The following PHACTR2 variants were observed in gnomAD, a reference collection of about 807,000 sequenced individuals.
PHACTR2 encodes the protein chromosome 6 open reading frame 56.
Under a neutral mutation model 76.0 loss-of-function variants are expected in PHACTR2, and 30 were observed. That is an observed-to-expected ratio of 0.39 (90% CI 0.30 to 0.54). The LOEUF is 0.54. Ranked by LOEUF, PHACTR2 falls within the 20% of genes least tolerant of loss-of-function variation. The probability of loss-of-function intolerance (pLI) is 0.61; values close to 1 mark genes in which losing one functional copy is unlikely to be tolerated. For synonymous variants in PHACTR2, 292 were observed against 292.5 expected (o/e 1.00, Z 0.02); for missense variants, 696 against 781.1 (o/e 0.89, Z 1.30).
chr6:143,801,477 G>A lies in PHACTR2; in HGVS notation c.1846-5580G>A, dbSNP rs115996045. On this transcript the variant is annotated intron_variant, in intron 11 of 12. Coordinates refer to ENST00000440869, the MANE Select transcript of PHACTR2 (RefSeq NM_001100164.2). The surrounding 1 kb of genome is among the most constrained non-coding windows in gnomAD (Gnocchi z 4.6). ...TTCAATCACTGATATACTTTCTTCCGCTTGATCGAAGTGGCTATTGAGGCT... is the reference window on the plus strand; with the variant it reads ...TTCAATCACTGATATACTTTCTTCCACTTGATCGAAGTGGCTATTGAGGCT... Among the ~76,000 whole-genome samples, 3,178 of 151,922 alleles carry A rather than the reference G, an allele frequency of 0.021. 111 individuals are homozygous for A. Among genetic ancestry groups the A allele is most frequent in the African/African-American group, 0.073 (3,039 of 41,416 alleles).
chr6:143,626,285 C>T lies in PHACTR2; in HGVS notation c.13+17963C>T, dbSNP rs539869141. On this transcript the variant is annotated intron_variant, in intron 1 of 11. Transcript: ENST00000305766. ...GGGCACGGTTGCTCACGCCCGTAAT[C>T]CCAGCACTTTGGGAGGCCGAGATGG... Among the ~76,000 whole-genome samples the T allele has an allele frequency of 4.6e-5, 7 of 152,168 alleles. No individual in the cohort carries two copies. In the South Asian group the frequency reaches 1.5e-3, roughly 32 times the overall value.
intron 1 of PHACTR2, among the ~76,000 whole-genome samples, chr6:143,584,294 C>T (rs115126177): frequency 0.012 from 1,847 of 152,298 alleles, 40 homozygotes; most frequent in African/African-American, 0.039. Flanking sequence ...GATCAATGGA[C>T]TAGAGACTTC....
intron 1 of PHACTR2, among the ~76,000 whole-genome samples, chr6:143,644,797 A>C (rs13220613): frequency 6.7e-6 from 1 of 148,738 alleles, no homozygotes; most frequent in African/African-American, 2.5e-5. Flanking sequence ...TTTATTTTTC[A>C]TTTGCTTGTT....
chr6:143,688,380 C>T lies in PHACTR2; in HGVS notation c.46+10171C>T, dbSNP rs773186965. Among the ~76,000 whole-genome samples, 1 of 152,134 alleles carries T rather than the reference C, an allele frequency of 6.6e-6. No individual in the cohort carries two copies. The highest frequency in any genetic ancestry group is 1.5e-5 in the Non-Finnish European group (1 of 68,030). ...GAAATGGGAGTAGGGTCTCACCCAA[C>T]TCTCAACTCCCAGAGTTACCCAGTT... On this transcript the variant is annotated intron_variant, in intron 1 of 12. Transcript: ENST00000440869. The surrounding 1 kb of genome is among the most constrained non-coding windows in gnomAD (Gnocchi z 5.2).
intron 4 of PHACTR2, among the ~76,000 whole-genome samples, chr6:143,759,942 T>G (rs536400037): frequency 6.6e-6 from 1 of 152,248 alleles, no homozygotes; most frequent in East Asian, 1.9e-4. Context: ...TAACCATGAG[T>G]CCAGCAGTTG....
rs1479249754 is a variant in PHACTR2 at position 143,757,047 on chromosome 6, A to G, written c.454+3135A>G. Among the ~76,000 whole-genome samples, 1 of 152,156 alleles carries G rather than the reference A, an allele frequency of 6.6e-6. No homozygotes were observed. The highest frequency in any genetic ancestry group is 6.5e-5 in the Admixed American group (1 of 15,280). On this transcript the variant is annotated intron_variant, in intron 4 of 12. Transcript: ENST00000440869. The surrounding 1 kb of genome is among the most constrained non-coding windows in gnomAD (Gnocchi z 4.2). ...CTGGGTGACAGCCAGTCTCAAAAAAAGAAAATAATAATAATTTTAAATAAT... is the reference window on the plus strand; with the variant it reads ...CTGGGTGACAGCCAGTCTCAAAAAAGGAAAATAATAATAATTTTAAATAAT...
At position 143,557,639 on chromosome 6, in the gene PHACTR2, C is replaced by T. The variant is rs1775197293; in HGVS notation, c.217+20432C>T. ...CTTCCAGACTCTTCCACACTCCAGTCGTTTTTCCTTGGCTGACTTCTTTCT... is the reference window on the plus strand; with the variant it reads ...CTTCCAGACTCTTCCACACTCCAGTTGTTTTTCCTTGGCTGACTTCTTTCT... On this transcript the variant is annotated intron_variant, in intron 1 of 11. Coordinates refer to the PHACTR2 transcript ENST00000367584. This position sits in a 1 kb window ranked among gnomAD's most constrained non-coding sequence, Gnocchi z 5.5. The T allele has an allele frequency of 6.6e-6, 1 of 152,262 alleles. No homozygotes were observed. Among genetic ancestry groups the T allele is most frequent in the Non-Finnish European group, 1.5e-5 (1 of 68,112 alleles). The allele number at this position is 152,262 out of a possible 1,614,324, so 9.4% of individuals were successfully genotyped here.
chr6:143,811,743 C>T lies in PHACTR2; in HGVS notation c.1922+4610C>T, dbSNP rs1341944639. Among the ~76,000 whole-genome samples, 1 of 151,910 alleles carries T rather than the reference C, an allele frequency of 6.6e-6. No homozygotes were observed. Among genetic ancestry groups the T allele is most frequent in the Non-Finnish European group, 1.5e-5 (1 of 67,984 alleles). The stretch of plus-strand genomic sequence containing the variant: ...GTAGGGATATAGTTTGTCTCCAAGA[C>T]ATAAAAATAATGCTTATGATTTTCA... On this transcript the variant is annotated intron_variant, in intron 12 of 12. Coordinates refer to ENST00000440869, the MANE Select transcript of PHACTR2 (RefSeq NM_001100164.2). The surrounding 1 kb of genome is among the most constrained non-coding windows in gnomAD (Gnocchi z 4.1).
chr6:143,615,159 C>G (rs1776040744), intron 1 of PHACTR2, among the ~76,000 whole-genome samples: 2 of 152,276 alleles, frequency 1.3e-5, no homozygotes, highest in African/African-American at 4.8e-5. Context: ...CCCCAAGTTA[C>G]ATATAAGTAG....
At chr6:143,773,917 C>T (rs1186842228) in intron 7 of PHACTR2, 142 bp from the exon 8 acceptor site, 5 of 544,586 alleles carry the variant, frequency 9.2e-6, no homozygotes, top group Middle Eastern at 3.6e-4. Context: ...GTCTTTTTTT[C>T]CTTAGGTTAA....
intron 1 of PHACTR2, among the ~76,000 whole-genome samples, chr6:143,559,451 A>G (rs1775229415): frequency 6.6e-6 from 1 of 152,176 alleles, no homozygotes; most frequent in African/African-American, 2.4e-5. Flanking sequence ...GATGCTACAT[A>G]TATCAATGGT....
chr6:143,592,147 A>G lies in PHACTR2; in HGVS notation c.217+54940A>G, dbSNP rs1775698864. Among the ~76,000 whole-genome samples, 1 of 152,280 alleles carries G rather than the reference A, an allele frequency of 6.6e-6. No individual in the cohort carries two copies. The highest frequency in any genetic ancestry group is 2.4e-5 in the African/African-American group (1 of 41,558). ...ATGTTCCAGATCATTATGAAGGTGT[A>G]TTGGTTAAGGCTGGAGGATAGAACA... On this transcript the variant is annotated intron_variant, in intron 1 of 11. Coordinates refer to the PHACTR2 transcript ENST00000367584. The surrounding 1 kb of genome is among the most constrained non-coding windows in gnomAD (Gnocchi z 4.0).
rs1781153610 is a variant in PHACTR2, at chr6:143,539,560, C to T, written c.217+2353C>T. 1.3e-5 allele frequency among the ~76,000 whole-genome samples: 2 copies of T among 152,132 alleles called. No individual in the cohort carries two copies. The highest frequency in any genetic ancestry group is 2.1e-4 in the South Asian group (1 of 4,816). Reference sequence around the variant, plus strand: ...GGATCTCTGAATTATCTCAGAGGCACAATAAGAGGGTTACACGCCTTGTAA... The same window carrying T: ...GGATCTCTGAATTATCTCAGAGGCATAATAAGAGGGTTACACGCCTTGTAA... On this transcript the variant is annotated intron_variant, in intron 1 of 11. Coordinates refer to the PHACTR2 transcript ENST00000367584. This position sits in a 1 kb window ranked among gnomAD's most constrained non-coding sequence, Gnocchi z 4.3.
intron 11 of PHACTR2, among the ~76,000 whole-genome samples, chr6:143,805,973 T>C (rs2128483508): frequency 6.6e-6 from 1 of 152,358 alleles, no homozygotes; most frequent in South Asian, 2.1e-4. Context: ...GAAGACTTTT[T>C]ATCTCCCAGT....
chr6:143,540,557 G>T (rs750940740), intron 1 of PHACTR2, among the ~76,000 whole-genome samples: 1 of 152,048 alleles, frequency 6.6e-6, no homozygotes, highest in Non-Finnish European at 1.5e-5. Flanking sequence ...GATAAATACC[G>T]TGAGGGTACC....
intron 1 of PHACTR2, among the ~76,000 whole-genome samples, chr6:143,649,243 A>G (rs1461901011): frequency 6.6e-6 from 1 of 152,186 alleles, no homozygotes; most frequent in Non-Finnish European, 1.5e-5. Flanking sequence ...GTGGATAAGG[A>G]GGGTGTGAAA....
chr6:143,576,472 A>T (rs9321924), intron 1 of PHACTR2, among the ~76,000 whole-genome samples: 49,552 of 152,120 alleles, frequency 0.33, 8,800 homozygotes, highest in Non-Finnish European at 0.4. Flanking sequence ...AGTGTTCATG[A>T]CTACGTAAAT....
rs1220515750 is a variant in PHACTR2, at chr6:143,801,892, G to A, written c.1846-5165G>A. Among the ~76,000 whole-genome samples the A allele has an allele frequency of 6.6e-6, 1 of 152,262 alleles. No homozygotes were observed. The highest frequency in any genetic ancestry group is 1.9e-4 in the East Asian group (1 of 5,182). On this transcript the variant is annotated intron_variant, in intron 11 of 12. Transcript: ENST00000440869. The surrounding 1 kb of genome is among the most constrained non-coding windows in gnomAD (Gnocchi z 4.6). Reference sequence around the variant, plus strand: ...CTACAGATGGGGTTTGGGTGTGGATGTCCTTTTTGTTGATGTTGATACTAT... The same window carrying A: ...CTACAGATGGGGTTTGGGTGTGGATATCCTTTTTGTTGATGTTGATACTAT...
At chr6:143,810,610 T>C (rs1331562908) in intron 12 of PHACTR2, 1 of 448,568 alleles carries the variant, frequency 2.2e-6, no homozygotes, top group Admixed American at 2.4e-5. Flanking sequence ...GCAGGAGGAT[T>C]GCTTAGCCCA....
Sources: allele counts gnomAD v4.1 joint callset (sites outside exome capture counted in the v4.1 genomes callset), GRCh38; gene constraint gnomAD v4.1.1; non-coding constraint Gnocchi (gnomAD v3.1); transcripts MANE v1.5; gene names NCBI Gene and HGNC (gene_info 2026-07-23, HGNC 2026-07-21).